The following MAPK1IP1L variants were observed in gnomAD, a reference collection of about 807,000 sequenced individuals.
MAPK1IP1L encodes mitogen-activated protein kinase 1 interacting protein 1 like, also known as MAPK-interacting and spindle-stabilizing protein-like.
MAPK1IP1L carries 10 observed loss-of-function variants against 18.1 expected under a neutral mutation model. That is an observed-to-expected ratio of 0.55 (90% CI 0.34 to 0.94). The LOEUF (loss-of-function observed/expected upper bound fraction) is 0.94. Among genes scored for constraint, MAPK1IP1L ranks in the 40% least tolerant of loss-of-function variants. The probability of loss-of-function intolerance (pLI) is 0.02; values close to 1 mark genes in which losing one functional copy is unlikely to be tolerated. For synonymous variants in MAPK1IP1L, 115 were observed against 117.3 expected (o/e 0.98, Z 0.13); for missense variants, 260 against 318.2 (o/e 0.82, Z 1.39).
chr14:55,057,514 T>C (rs534036436), intron 1 of MAPK1IP1L, among the ~76,000 whole-genome samples: 347 of 152,294 alleles, frequency 2.3e-3, no homozygotes, highest in Non-Finnish European at 3.1e-3. Flanking sequence ...ATCCCAGCAC[T>C]TTGGGAGGCC....
At chr14:55,061,646 TTTC>T in intron 1 of MAPK1IP1L, 31 bp from the exon 2 acceptor site, 1 of 1,486,838 alleles carries the variant, frequency 6.7e-7, no homozygotes, top group Non-Finnish European at 9.2e-7. Context: ...TTTTGAAATT[TTTC>T]TTTCTTCCTT....
chr14:55,066,900 ATT>A lies in MAPK1IP1L; in HGVS notation c.*2287_*2288del, dbSNP rs10545370. On this transcript the variant is annotated 3_prime_UTR_variant, in exon 4 of 4. Coordinates refer to ENST00000395468, the MANE Select transcript of MAPK1IP1L (RefSeq NM_144578.4). ...ACTTTGCAACTGGTATTTGGGGGAGATTTTTTTTTTTTTTTGAGACGGAGTCT... is the reference window on the plus strand; with the variant it reads ...ACTTTGCAACTGGTATTTGGGGGAGATTTTTTTTTTTTTGAGACGGAGTCT... 38,755 of 144,320 alleles carry A rather than the reference ATT, an allele frequency of 0.27. 5,483 individuals are homozygous for A. Among genetic ancestry groups the A allele is most frequent in the African/African-American group, 0.4 (15,579 of 39,280 alleles). The allele number at this position is 144,320 out of a possible 1,614,324, so 8.9% of individuals were successfully genotyped here.
Position 55,062,765 on chromosome 14 carries a change from A to C in MAPK1IP1L, c.166A>C (p.Ser56Arg). ...TTCAGTGCCATCTGGACTCCCACCA[A>C]GTGCAACACCCTCCACTGTGCCTTT... ...PSSVPSGLPP[S>R]ATPSTVPFGP... Residue 56 changes from serine (S) to arginine (R), a missense_variant, in exon 3 of 4, where the codon AGT becomes CGT. By Grantham distance (110) the Ser-to-Arg change is moderately radical (BLOSUM62 -1). Coordinates refer to ENST00000395468, the MANE Select transcript of MAPK1IP1L (RefSeq NM_144578.4). 1 of 1,614,126 alleles carries C rather than the reference A, an allele frequency of 6.2e-7. No individual in the cohort carries two copies. The highest frequency in any genetic ancestry group is 8.5e-7 in the Non-Finnish European group (1 of 1,180,020).
rs915258823 is a variant in MAPK1IP1L, at chr14:55,065,590, C to G, written c.*963C>G. On this transcript the variant is annotated 3_prime_UTR_variant, in exon 4 of 4. Transcript: ENST00000395468. ...CCCTTGGTTCTTTAGAAGGAGCACA[C>G]ACATCCCTTGATTCCTCCCTGATGT... 1 of 152,198 alleles carries G rather than the reference C, an allele frequency of 6.6e-6. No individual in the cohort carries two copies. Among genetic ancestry groups the G allele is most frequent in the Admixed American group, 6.5e-5 (1 of 15,276 alleles). The allele number at this position is 152,198 out of a possible 1,614,324, so 9.4% of individuals were successfully genotyped here.
rs751082396 is a variant in MAPK1IP1L, at chr14:55,069,194, T to C, written c.*4567T>C. The C allele has an allele frequency of 6.6e-6, 1 of 152,524 alleles. No individual in the cohort carries two copies. Among genetic ancestry groups the C allele is most frequent in the Non-Finnish European group, 1.5e-5 (1 of 68,026 alleles). 9.4% of individuals were successfully genotyped at this position (152,524 alleles called of 1,614,324 possible). A position where few individuals can be genotyped will look rare whatever the true frequency, so the allele number is the denominator to read the frequency against. ...GCCATTAAGTGAACTTGACTTCTTA[T>C]GTGTGCTCTATGAGTTTGTTGTAAT... On this transcript the variant is annotated 3_prime_UTR_variant, in exon 4 of 4. Coordinates refer to ENST00000395468, the MANE Select transcript of MAPK1IP1L (RefSeq NM_144578.4).
In MAPK1IP1L at chr14:55,068,277, A is replaced by T. The variant is rs72715592; in HGVS notation, c.*3650A>T. ...GTCAGTCCCACCACCACAATGGACTATTGGGATATTTTCTAAAAAACCAAT... is the reference window on the plus strand; with the variant it reads ...GTCAGTCCCACCACCACAATGGACTTTTGGGATATTTTCTAAAAAACCAAT... On this transcript the variant is annotated 3_prime_UTR_variant, in exon 4 of 4. Coordinates refer to ENST00000395468, the MANE Select transcript of MAPK1IP1L (RefSeq NM_144578.4). The T allele has an allele frequency of 6.6e-6, 1 of 152,648 alleles. No homozygotes were observed. Among genetic ancestry groups the T allele is most frequent in the East Asian group, 1.9e-4 (1 of 5,194 alleles). The allele number at this position is 152,648 out of a possible 1,614,324, so 9.5% of individuals were successfully genotyped here.
chr14:55,058,014 C>T lies in MAPK1IP1L; in HGVS notation c.-4-3666C>T, dbSNP rs118064666. Among the ~76,000 whole-genome samples, 388 of 152,298 alleles carry T rather than the reference C, an allele frequency of 2.5e-3. 1 individual carries two copies. Among genetic ancestry groups the T allele is most frequent in the Non-Finnish European group, 3.9e-3 (264 of 68,020 alleles). On this transcript the variant is annotated intron_variant, in intron 1 of 3. Coordinates refer to ENST00000395468, the MANE Select transcript of MAPK1IP1L (RefSeq NM_144578.4). ...AAGATAATTATTTGCCTCCCTCTTC[C>T]AGTTCAGGGTCTCAATGGCTGGAGC... is the stretch of plus-strand genomic sequence containing the variant.
Position 55,061,680 on chromosome 14 carries a change from G to A in MAPK1IP1L, c.-4G>A. Reference sequence around the variant, plus strand: ...TCCTTCATTTCTTTTCTTTTTTTAGGAAAATGTCTGATGAATTTTCGGTAA... The same window carrying A: ...TCCTTCATTTCTTTTCTTTTTTTAGAAAAATGTCTGATGAATTTTCGGTAA... On this transcript the variant is annotated splice_region_variant and 5_prime_UTR_variant, in exon 2 of 4. Coordinates refer to ENST00000395468, the MANE Select transcript of MAPK1IP1L (RefSeq NM_144578.4). The A allele has an allele frequency of 6.4e-7, 1 of 1,557,132 alleles. No individual in the cohort carries two copies. Among genetic ancestry groups the A allele is most frequent in the Non-Finnish European group, 8.7e-7 (1 of 1,146,670 alleles).
Position 55,063,129 on chromosome 14 carries a change from C to A in MAPK1IP1L, c.530C>A (p.Pro177His), listed in dbSNP as rs1455155125. The A allele has an allele frequency of 5.0e-6, 8 of 1,613,730 alleles. No homozygotes were observed. Among genetic ancestry groups the A allele is most frequent in the Non-Finnish European group, 6.8e-6 (8 of 1,180,050 alleles). The part of the protein sequence containing the change: ...PYPSPGPYPA[P>H]PPPQAPGAAP... ...CCATCTCCAGGCCCATATCCCGCTC[C>A]TCCTCCTCCCCAAGCCCCTGGGGCA... Residue 177 changes from proline (P) to histidine (H), a missense_variant, in exon 3 of 4, where the codon CCT becomes CAT. Physicochemically the swap from Pro to His is moderately conservative, Grantham distance 77. Coordinates refer to ENST00000395468, the MANE Select transcript of MAPK1IP1L (RefSeq NM_144578.4).
chr14:55,067,396 A>G lies in MAPK1IP1L; in HGVS notation c.*2769A>G, dbSNP rs2140264239. 1 of 151,812 alleles carries G rather than the reference A, an allele frequency of 6.6e-6. No individual in the cohort carries two copies. Among genetic ancestry groups the G allele is most frequent in the African/African-American group, 2.4e-5 (1 of 41,358 alleles). 9.4% of individuals were successfully genotyped at this position (151,812 alleles called of 1,614,324 possible). The stretch of plus-strand genomic sequence containing the variant: ...TGGAGAAATGGGGAACAGCATCAAG[A>G]AAGGCTTTTTTCCTTTTTTCTTTTT... On this transcript the variant is annotated 3_prime_UTR_variant, in exon 4 of 4. Transcript: ENST00000395468.
intron 1 of MAPK1IP1L, among the ~76,000 whole-genome samples, chr14:55,055,552 A>G (rs1351944435): frequency 2.6e-5 from 4 of 152,208 alleles, no homozygotes; most frequent in Non-Finnish European, 2.9e-5. Flanking sequence ...CAGCATGGAT[A>G]CACTGGACAA....
chr14:55,063,636 T>TTAC (rs1281104691), intron 3 of MAPK1IP1L, among the ~76,000 whole-genome samples: 5 of 151,948 alleles, frequency 3.3e-5, no homozygotes, highest in African/African-American at 7.3e-5. Context: ...GCTTTTTGTT[T>TTAC]TATTATTATT....
intron 1 of MAPK1IP1L, among the ~76,000 whole-genome samples, chr14:55,054,860 A>C (rs1389787604): frequency 1.3e-5 from 2 of 152,222 alleles, no homozygotes; most frequent in East Asian, 3.8e-4. Flanking sequence ...GTTATGTTTT[A>C]CTTTTCTAGT....
chr14:55,059,225 G>GAAAAAAAAAAAAAAAAAAAGGAAAATCT (rs2042795688), intron 1 of MAPK1IP1L, among the ~76,000 whole-genome samples: 1 of 63,280 alleles, frequency 1.6e-5, no homozygotes, highest in African/African-American at 5.8e-5. Flanking sequence ...AGGAAAATCT[G>GAAAAAAAAAAAAAAAAAAAGGAAAATCT]AAAAAAAAAA....
At chr14:55,060,794 A>G (rs968900766) in intron 1 of MAPK1IP1L, 1 of 152,180 alleles carries the variant, frequency 6.6e-6, no homozygotes, top group Admixed American at 6.5e-5. Context: ...TTGAGTGCTA[A>G]TTACACTTCA....
At position 55,066,680 on chromosome 14, in the gene MAPK1IP1L, A is replaced by C. The variant is rs1368685744; in HGVS notation, c.*2053A>C. ...AGCAAATATAATTTGAGTAGGAAGA[A>C]GAGATAGCAGGTTTGGGAATCTATA... On this transcript the variant is annotated 3_prime_UTR_variant, in exon 4 of 4. Coordinates refer to ENST00000395468, the MANE Select transcript of MAPK1IP1L (RefSeq NM_144578.4). The C allele has an allele frequency of 6.6e-6, 1 of 152,214 alleles. No individual in the cohort carries two copies. The highest frequency in any genetic ancestry group is 1.5e-5 in the Non-Finnish European group (1 of 68,032). 9.4% of individuals were successfully genotyped at this position (152,214 alleles called of 1,614,324 possible).
chr14:55,058,610 C>G (rs1485235180), intron 1 of MAPK1IP1L, among the ~76,000 whole-genome samples: 1 of 152,128 alleles, frequency 6.6e-6, no homozygotes, highest in African/African-American at 2.4e-5. Context: ...GCGGGCGGAT[C>G]ACGTGAGGCC....
rs1454731903 is a variant in MAPK1IP1L, at chr14:55,069,865, C to T, written c.*5238C>T. 6.6e-6 allele frequency: 1 copy of T among 152,212 alleles called. No homozygotes were observed. The highest frequency in any genetic ancestry group is 1.9e-4 in the East Asian group (1 of 5,204). The allele number at this position is 152,212 out of a possible 1,614,324, so 9.4% of individuals were successfully genotyped here. A position where few individuals can be genotyped will look rare whatever the true frequency, so the allele number is the denominator to read the frequency against. ...TGTCCCTACTCCCCTCACTCCCCCA[C>T]TTTCTGTTATGAAAGATAGTTCTAC... On this transcript the variant is annotated 3_prime_UTR_variant, in exon 4 of 4. Transcript: ENST00000395468.
chr14:55,064,003 C>CT (rs71131249), intron 3 of MAPK1IP1L: 3,393 of 75,934 alleles, frequency 0.045, 530 homozygotes, highest in Non-Finnish European at 0.051. Flanking sequence ...TCTGTTAACT[C>CT]TTTTTTTTTT....
Sources: allele counts gnomAD v4.1 joint callset (sites outside exome capture counted in the v4.1 genomes callset), GRCh38; gene constraint gnomAD v4.1.1; transcripts MANE v1.5; gene names NCBI Gene and HGNC (gene_info 2026-07-23, HGNC 2026-07-21).